The following AFAP1L2 variants were observed in gnomAD, a reference collection of about 807,000 sequenced individuals.
AFAP1L2 encodes actin filament-associated protein 1-like 2.
Under a neutral mutation model 99.3 loss-of-function variants are expected in AFAP1L2, and 46 were observed. That is an observed-to-expected ratio of 0.46 (90% CI 0.37 to 0.59). The LOEUF is 0.59. Ranked by LOEUF, AFAP1L2 falls within the 20% of genes least tolerant of loss-of-function variation. The pLI, the probability that AFAP1L2 is intolerant of heterozygous loss-of-function variation, is 0.00. For synonymous variants in AFAP1L2, 397 were observed against 419.1 expected (o/e 0.95, Z 0.64); for missense variants, 959 against 1,034.9 (o/e 0.93, Z 1.01).
intron 1 of AFAP1L2, among the ~76,000 whole-genome samples, chr10:114,360,509 T>TAGATAGATAGTTAGATAGATAGA (rs61366681): frequency 1.8e-4 from 19 of 107,416 alleles, no homozygotes; most frequent in Admixed American, 6.8e-4. Context: ...AGATAGATAG[T>TAGATAGATAGTTAGATAGATAGA]TAGATAGATA....
intron 1 of AFAP1L2, among the ~76,000 whole-genome samples, chr10:114,354,342 C>T (rs1186432636): frequency 6.6e-6 from 1 of 152,144 alleles, no homozygotes; most frequent in African/African-American, 2.4e-5. Flanking sequence ...TGGACAAGAA[C>T]CAATAATCAG....
At chr10:114,286,807 T>C in the AFAP1L2 span, among the ~76,000 whole-genome samples, 4 of 152,202 alleles carry the variant, frequency 2.6e-5, no homozygotes, top group Non-Finnish European at 5.9e-5. Flanking sequence ...TCATTCTTAA[T>C]CACGATTTTA....
intron 1 of AFAP1L2, among the ~76,000 whole-genome samples, chr10:114,349,401 A>G (rs1294485189): frequency 6.7e-6 from 1 of 149,668 alleles, no homozygotes; most frequent in Non-Finnish European, 1.5e-5. Context: ...AAAAAAAAAA[A>G]AAGAAAAGAA....
intron 1 of AFAP1L2, among the ~76,000 whole-genome samples, chr10:114,380,909 G>GA (rs1415816766): frequency 2.6e-5 from 4 of 152,198 alleles, no homozygotes; most frequent in Non-Finnish European, 4.4e-5. Flanking sequence ...AAATGGTGCA[G>GA]CTGTTTTAGA....
intron 2 of AFAP1L2, among the ~76,000 whole-genome samples, chr10:114,337,936 C>A (rs947766644): frequency 1.3e-5 from 2 of 152,176 alleles, no homozygotes; most frequent in Non-Finnish European, 2.9e-5. Flanking sequence ...CATCTGTGTT[C>A]CCACGATGGG....
At chr10:114,330,259 C>A (rs1014671832) in intron 4 of AFAP1L2, among the ~76,000 whole-genome samples, 1 of 152,124 alleles carries the variant, frequency 6.6e-6, no homozygotes, top group African/African-American at 2.4e-5. Flanking sequence ...GGGCTGGGAC[C>A]CCCTCCACGG....
chr10:114,379,167 C>T (rs887560134), intron 1 of AFAP1L2, among the ~76,000 whole-genome samples: 11 of 151,256 alleles, frequency 7.3e-5, no homozygotes, highest in Non-Finnish European at 1.2e-4. Context: ...GAGCCGTGAT[C>T]GCACCACTGC....
At chr10:114,397,846 A>G (rs1459639882) in intron 1 of AFAP1L2, among the ~76,000 whole-genome samples, 1 of 152,180 alleles carries the variant, frequency 6.6e-6, no homozygotes, top group Non-Finnish European at 1.5e-5. Flanking sequence ...AGCTCACCAC[A>G]GTCCACCAGG....
intron 1 of AFAP1L2, chr10:114,398,925 G>A (rs2057990243): frequency 1.5e-6 from 2 of 1,304,206 alleles, no homozygotes; most frequent in African/African-American, 1.5e-5. Flanking sequence ...CAGAAATAAG[G>A]CTCAAGTCGG....
At chr10:114,403,342 C>G (rs2058400408) in intron 1 of AFAP1L2, among the ~76,000 whole-genome samples, 1 of 152,198 alleles carries the variant, frequency 6.6e-6, no homozygotes, top group Non-Finnish European at 1.5e-5. Flanking sequence ...GACAAGACTA[C>G]TTTAGGGAAG....
At chr10:114,290,119 C>T (rs558054844), downstream of AFAP1L2, 13 of 1,358,314 alleles carry the variant, frequency 9.6e-6, no homozygotes, top group South Asian at 4.4e-5. Context: ...CATGAGCTAC[C>T]GGGGCAAAGG....
At chr10:114,318,594 T>A (rs1212097828) in intron 5 of AFAP1L2, among the ~76,000 whole-genome samples, 1 of 151,220 alleles carries the variant, frequency 6.6e-6, no homozygotes, top group Non-Finnish European at 1.5e-5. Context: ...CAAAAAAAAA[T>A]TAGCCGGGCA....
intron 1 of AFAP1L2, among the ~76,000 whole-genome samples, chr10:114,395,986 T>C (rs1312926195): frequency 1.3e-5 from 2 of 152,094 alleles, no homozygotes; most frequent in African/African-American, 2.4e-5. Context: ...ACTAAGACAA[T>C]TAGAACTAAG....
downstream of AFAP1L2, among the ~76,000 whole-genome samples, chr10:114,291,963 C>T (rs2039642772): frequency 6.6e-6 from 1 of 152,120 alleles, no homozygotes; most frequent in Non-Finnish European, 1.5e-5. Context: ...GAGCAGTGTC[C>T]ACCTGAAGGG....
intron 5 of AFAP1L2, among the ~76,000 whole-genome samples, chr10:114,318,748 G>GAAAAAAAAAAAAA (rs58243775): frequency 8.4e-6 from 1 of 118,884 alleles, no homozygotes; most frequent in Non-Finnish European, 1.7e-5. Flanking sequence ...CTAAAAAAAA[G>GAAAAAAAAAAAAA]AAAAAAAAAA....
intron 1 of AFAP1L2, among the ~76,000 whole-genome samples, chr10:114,396,955 G>A (rs546031865): frequency 5.8e-4 from 88 of 152,190 alleles, no homozygotes; most frequent in African/African-American, 2.0e-3. Context: ...ACCCTTTTCT[G>A]CTGCATACAC....
intron 1 of AFAP1L2, among the ~76,000 whole-genome samples, chr10:114,393,938 T>C (rs930736663): frequency 2.6e-5 from 4 of 152,210 alleles, no homozygotes; most frequent in African/African-American, 9.6e-5. Context: ...ATGCTCCCCC[T>C]GGGAGGACAC....
Position 114,295,034 on chromosome 10 carries a change from A to T in AFAP1L2, c.*1008T>A, listed in dbSNP as rs2039979383. The T allele has an allele frequency of 1.0e-6, 1 of 983,750 alleles. No individual in the cohort carries two copies. The highest frequency in any genetic ancestry group is 1.8e-5 in the African/African-American group (1 of 56,420). The allele number at this position is 983,750 out of a possible 1,614,324, so 60.9% of individuals were successfully genotyped here. On this transcript the variant is annotated 3_prime_UTR_variant, in exon 19 of 19. Coordinates refer to ENST00000304129, the MANE Select transcript of AFAP1L2 (RefSeq NM_001001936.3). Reference sequence around the variant, plus strand: ...CCTGTGTTAAAAAAAAAAAAAAAAAAATGCCATCAGAGGAAAAGACAGGGG... The same window carrying T: ...CCTGTGTTAAAAAAAAAAAAAAAAATATGCCATCAGAGGAAAAGACAGGGG...
chr10:114,308,239 T>C (rs1422488749), intron 9 of AFAP1L2, among the ~76,000 whole-genome samples, 194 bp downstream of exon 9: 1 of 152,324 alleles, frequency 6.6e-6, no homozygotes, highest in East Asian at 1.9e-4. Context: ...GAACATTCTA[T>C]CCCCAGCATT....
Sources: gnomAD v4.1 joint callset for allele counts (sites outside exome capture counted in the v4.1 genomes callset) on GRCh38, gnomAD v4.1.1 for gene constraint, MANE v1.5 for transcripts, NCBI Gene and HGNC (gene_info 2026-07-23, HGNC 2026-07-21) for gene names.